Variants in VAV3 observed in about 807,000 individuals in gnomAD.
VAV3 encodes the protein vav guanine nucleotide exchange factor 3, also known as guanine nucleotide exchange factor VAV3.
VAV3 carries 94 observed loss-of-function variants against 131.2 expected under a neutral mutation model. The ratio of observed to expected loss-of-function variants is 0.72; its 90% confidence interval spans 0.61 to 0.85. The LOEUF is 0.85. VAV3 is among the 40% of genes least tolerant of loss of function. VAV3 has a pLI of 0.00. For synonymous variants in VAV3, 349 were observed against 342.0 expected (o/e 1.02, Z -0.22); for missense variants, 939 against 1,002.7 (o/e 0.94, Z 0.86).
chr1:107,607,189 T>C (rs1490298204), intron 22 of VAV3, among the ~76,000 whole-genome samples: 1 of 152,012 alleles, frequency 6.6e-6, no homozygotes, highest in African/African-American at 2.4e-5. Context: ...CCTGACCTCA[T>C]GATCCGCCCA....
chr1:107,840,562 G>T (rs1365870614), intron 2 of VAV3, among the ~76,000 whole-genome samples: 1 of 152,062 alleles, frequency 6.6e-6, no homozygotes, highest in Non-Finnish European at 1.5e-5. Context: ...ACATTTCATT[G>T]TCTATTCATA....
At chr1:107,833,886 C>G (rs1668364827) in intron 2 of VAV3, among the ~76,000 whole-genome samples, 1 of 152,210 alleles carries the variant, frequency 6.6e-6, no homozygotes, top group South Asian at 2.1e-4. Context: ...TACAAGTAAT[C>G]AAGCACTAGC....
At chr1:107,599,985 A>G (rs1413178282) in intron 24 of VAV3, among the ~76,000 whole-genome samples, 1 of 151,918 alleles carries the variant, frequency 6.6e-6, no homozygotes, top group African/African-American at 2.4e-5. Flanking sequence ...CTTCACACCA[A>G]TTAATCATCT....
intron 2 of VAV3, among the ~76,000 whole-genome samples, chr1:107,845,758 T>C (rs558853526): frequency 2.0e-5 from 3 of 151,926 alleles, no homozygotes; most frequent in African/African-American, 7.2e-5. Context: ...GAAAAAAGAA[T>C]GAAAAGGAAC....
At chr1:107,611,603 A>AG in intron 21 of VAV3, among the ~76,000 whole-genome samples, 1 of 143,140 alleles carries the variant, frequency 7.0e-6, no homozygotes, top group African/African-American at 2.5e-5. Flanking sequence ...AACCAAAAAA[A>AG]AAAAACAAAC....
At chr1:107,875,405 G>A (rs746751955) in intron 1 of VAV3, among the ~76,000 whole-genome samples, 2 of 152,160 alleles carry the variant, frequency 1.3e-5, no homozygotes, top group Admixed American at 1.3e-4. Flanking sequence ...GATGGTTAGA[G>A]AAGGTCTCAC....
chr1:107,596,045 A>T (rs1313390113), intron 25 of VAV3, among the ~76,000 whole-genome samples, 167 bp downstream of exon 25: 1 of 152,186 alleles, frequency 6.6e-6, no homozygotes, highest in Non-Finnish European at 1.5e-5. Flanking sequence ...ACATGTTCAC[A>T]AGCCTGTTGG....
chr1:107,664,415 C>T (rs1032860438), intron 19 of VAV3, among the ~76,000 whole-genome samples: 6 of 151,700 alleles, frequency 4.0e-5, no homozygotes, highest in African/African-American at 1.2e-4. Context: ...ATGTTCTCAT[C>T]GTTCAGTTCC....
intron 2 of VAV3, among the ~76,000 whole-genome samples, chr1:107,858,575 T>C (rs1032417570): frequency 6.6e-6 from 1 of 152,178 alleles, no homozygotes; most frequent in Non-Finnish European, 1.5e-5. Flanking sequence ...TCGATTCTCA[T>C]AGAAGCATGA....
intron 1 of VAV3, among the ~76,000 whole-genome samples, chr1:107,884,996 A>C (rs1670965848): frequency 6.6e-6 from 1 of 152,184 alleles, no homozygotes; most frequent in Admixed American, 6.5e-5. Context: ...AAGTAGTGGT[A>C]ATAATTGGAA....
intron 2 of VAV3, among the ~76,000 whole-genome samples, chr1:107,807,444 T>A (rs78998525): frequency 0.15 from 22,979 of 152,182 alleles, 2,006 homozygotes; most frequent in East Asian, 0.29. Flanking sequence ...AGAGATACTC[T>A]TAAAAGATTT....
intron 2 of VAV3, among the ~76,000 whole-genome samples, chr1:107,814,627 T>C (rs1667485409): frequency 1.3e-5 from 2 of 152,242 alleles, no homozygotes; most frequent in Admixed American, 1.3e-4. Context: ...AGCTTTTAGG[T>C]TGAATATAAT....
At chr1:107,900,156 T>C (rs1227619372) in intron 1 of VAV3, among the ~76,000 whole-genome samples, 1 of 152,154 alleles carries the variant, frequency 6.6e-6, no homozygotes, top group Non-Finnish European at 1.5e-5. Flanking sequence ...TTGAAACAGT[T>C]ACACATGGAT....
intron 1 of VAV3, among the ~76,000 whole-genome samples, chr1:107,930,254 A>G (rs1673363036): frequency 6.6e-6 from 1 of 152,216 alleles, no homozygotes; most frequent in Admixed American, 6.5e-5. Flanking sequence ...TGATTATTAC[A>G]CATTGCATGC....
At chr1:107,854,822 AT>A (rs1391131322) in intron 2 of VAV3, among the ~76,000 whole-genome samples, 1 of 152,384 alleles carries the variant, frequency 6.6e-6, no homozygotes, top group East Asian at 1.9e-4. Flanking sequence ...ATGTGAAAGC[AT>A]AACAGTAACT....
At chr1:107,871,073 A>T (rs1048712261) in intron 2 of VAV3, among the ~76,000 whole-genome samples, 3 of 152,210 alleles carry the variant, frequency 2.0e-5, no homozygotes, top group Admixed American at 2.0e-4. Flanking sequence ...CTGACGATTG[A>T]AACAGTTATG....
At chr1:107,682,302 T>C (rs1338425580) in intron 19 of VAV3, among the ~76,000 whole-genome samples, 1 of 152,084 alleles carries the variant, frequency 6.6e-6, no homozygotes, top group Non-Finnish European at 1.5e-5. Flanking sequence ...ATAACACTTA[T>C]AAAGGTTAAG....
At chr1:107,574,294 C>T (rs970959470) in intron 25 of VAV3, 96 bp from the exon 26 acceptor site, 53 of 1,460,660 alleles carry the variant, frequency 3.6e-5, no homozygotes, top group South Asian at 2.7e-5. Context: ...ATCAAATGCA[C>T]AGTCGTGATT....
intron 1 of VAV3, among the ~76,000 whole-genome samples, chr1:107,886,520 T>C (rs536345332): frequency 1.2e-3 from 189 of 152,332 alleles, no homozygotes; most frequent in African/African-American, 4.4e-3. Flanking sequence ...GAAAACATAC[T>C]ACAACCAACT....
Sources: gnomAD v4.1 joint callset for allele counts (sites outside exome capture counted in the v4.1 genomes callset) on GRCh38, gnomAD v4.1.1 for gene constraint, MANE v1.5 for transcripts, NCBI Gene and HGNC (gene_info 2026-07-23, HGNC 2026-07-21) for gene names.